SAMD5: variants seen among roughly 807,000 people sequenced by gnomAD.
SAMD5 encodes sterile alpha motif domain-containing protein 5.
Under a neutral mutation model 11.3 loss-of-function variants are expected in SAMD5, and 13 were observed. That is an observed-to-expected ratio of 1.15 (90% confidence interval 0.75 to 1.83). SAMD5 has a LOEUF of 1.83. SAMD5 is among the 40% of genes most tolerant of loss of function. SAMD5 has a pLI of 0.00. For missense variants in SAMD5, 255 were observed against 239.1 expected, an observed-to-expected ratio of 1.07 and a Z score of -0.44; for synonymous variants, 129 against 111.3, an observed-to-expected ratio of 1.16 and a Z score of -1.00.
intron 1 of SAMD5, among the ~76,000 whole-genome samples, chr6:147,558,014 G>T (rs2128443773): frequency 6.6e-6 from 1 of 152,324 alleles, no homozygotes; most frequent in Non-Finnish European, 1.5e-5. Context: ...TAGGCACAGA[G>T]GGAGTTCACT....
intron 1 of SAMD5, among the ~76,000 whole-genome samples, chr6:147,582,768 C>T (rs113555760): frequency 0.012 from 1,836 of 152,234 alleles, 16 homozygotes; most frequent in Middle Eastern, 0.024. Flanking sequence ...ACTATAAAAA[C>T]GGTCCTGGAA....
intron 1 of SAMD5, among the ~76,000 whole-genome samples, chr6:147,659,851 A>G (rs1197698089): frequency 6.6e-6 from 1 of 152,172 alleles, no homozygotes; most frequent in Non-Finnish European, 1.5e-5. Context: ...AGGACTGGGA[A>G]AAGCTATGGC....
chr6:147,884,680 T>C, the SAMD5 span, among the ~76,000 whole-genome samples: 1 of 152,334 alleles, frequency 6.6e-6, no homozygotes, highest in East Asian at 1.9e-4. Context: ...CTTCATGATA[T>C]AGGTGGCTTT....
chr6:147,846,243 T>A, the SAMD5 span, among the ~76,000 whole-genome samples: 3 of 152,246 alleles, frequency 2.0e-5, no homozygotes, highest in Admixed American at 2.0e-4. Context: ...ATATGTGCTG[T>A]AAAGGGGTAG....
chr6:147,809,263 T>C, the SAMD5 span, among the ~76,000 whole-genome samples: 1 of 152,188 alleles, frequency 6.6e-6, no homozygotes, highest in Non-Finnish European at 1.5e-5. Context: ...TTTTCCTTTA[T>C]GTGGAAATTG....
At chr6:147,602,791 A>G (rs550586526) in intron 1 of SAMD5, among the ~76,000 whole-genome samples, 1 of 148,126 alleles carries the variant, frequency 6.8e-6, no homozygotes, top group Non-Finnish European at 1.5e-5. Context: ...CAAAAAAAAA[A>G]CTCACCCAAT....
chr6:147,573,482 C>G (rs115505214), downstream of SAMD5, among the ~76,000 whole-genome samples: 1,300 of 152,236 alleles, frequency 8.5e-3, 26 homozygotes, highest in African/African-American at 0.03. Flanking sequence ...CCAGCCACCT[C>G]CCATGAGGTC....
the SAMD5 span, among the ~76,000 whole-genome samples, chr6:147,928,477 A>T: frequency 2.2e-4 from 34 of 151,850 alleles, no homozygotes; most frequent in Non-Finnish European, 5.9e-5. Context: ...ATACTTTTTG[A>T]TAGTTATTTT....
chr6:147,701,652 C>CAAA (rs35003792), intron 1 of SAMD5, among the ~76,000 whole-genome samples: 1,369 of 136,822 alleles, frequency 0.01, 14 homozygotes, highest in Middle Eastern at 0.035. Flanking sequence ...TAGTCTGTCT[C>CAAA]AAAAAAAAAA....
intron 1 of SAMD5, among the ~76,000 whole-genome samples, chr6:147,646,427 T>TTGG (rs138806803): frequency 0.093 from 14,119 of 152,256 alleles, 870 homozygotes; most frequent in Middle Eastern, 0.15. Flanking sequence ...CTTATGTTTA[T>TTGG]TGGTAACTAT....
At chr6:147,827,727 C>T in the SAMD5 span, among the ~76,000 whole-genome samples, 2 of 152,116 alleles carry the variant, frequency 1.3e-5, no homozygotes, top group African/African-American at 4.8e-5. Flanking sequence ...AAATGCTTCC[C>T]GAATATAGGA....
At chr6:147,897,016 C>T in the SAMD5 span, among the ~76,000 whole-genome samples, 2 of 151,838 alleles carry the variant, frequency 1.3e-5, no homozygotes, top group Admixed American at 6.6e-5. Context: ...GAGGTGGGAT[C>T]GGGGGAAGTG....
chr6:147,745,696 A>G, the SAMD5 span, among the ~76,000 whole-genome samples: 1 of 151,776 alleles, frequency 6.6e-6, no homozygotes, highest in East Asian at 1.9e-4. Context: ...CTTGTGTCTC[A>G]CTAGTGATTT....
chr6:147,717,218 G>C (rs2128458937), intron 1 of SAMD5, among the ~76,000 whole-genome samples: 1 of 152,322 alleles, frequency 6.6e-6, no homozygotes, highest in East Asian at 1.9e-4. Context: ...GAATGAATGA[G>C]TGAATGAATA....
At chr6:147,932,893 T>C in the SAMD5 span, among the ~76,000 whole-genome samples, 5 of 152,286 alleles carry the variant, frequency 3.3e-5, no homozygotes, top group South Asian at 1.0e-3. Context: ...TTGATTTCTG[T>C]AGGAAAATCA....
At chr6:147,637,912 C>T (rs895801994) in intron 1 of SAMD5, among the ~76,000 whole-genome samples, 1 of 151,502 alleles carries the variant, frequency 6.6e-6, no homozygotes, top group Admixed American at 6.6e-5. Flanking sequence ...TCAGTACCAG[C>T]CATTATTATT....
chr6:147,802,853 T>G, the SAMD5 span, among the ~76,000 whole-genome samples: 1 of 152,348 alleles, frequency 6.6e-6, no homozygotes, highest in East Asian at 1.9e-4. Context: ...ACACAGTTTT[T>G]ATGGACTTCA....
chr6:147,581,713 A>G (rs1031818416), intron 1 of SAMD5, among the ~76,000 whole-genome samples: 3 of 152,310 alleles, frequency 2.0e-5, no homozygotes, highest in Admixed American at 1.3e-4. Flanking sequence ...CCTCAGTGAG[A>G]ACGGTGTCAG....
chr6:147,943,874 C>T, the SAMD5 span, among the ~76,000 whole-genome samples: 1 of 152,090 alleles, frequency 6.6e-6, no homozygotes, highest in African/African-American at 2.4e-5. Context: ...AAAAACTGAA[C>T]TCATCTCAGT....
Sources: gnomAD v4.1 joint callset for allele counts (sites outside exome capture counted in the v4.1 genomes callset) on GRCh38, gnomAD v4.1.1 for gene constraint, MANE v1.5 for transcripts, NCBI Gene and HGNC (gene_info 2026-07-23, HGNC 2026-07-21) for gene names.